Variants in CACNG6 observed in about 807,000 individuals in gnomAD.
The protein encoded by CACNG6 is voltage-dependent calcium channel gamma-6 subunit.
In CACNG6, 21 loss-of-function variants were observed where a neutral mutation model predicts 23.9. That is an observed-to-expected ratio of 0.88 (90% CI 0.62 to 1.26). CACNG6 has a LOEUF of 1.26. CACNG6 is among the 50% of genes most tolerant of loss of function. CACNG6 has a pLI of 0.00. For missense variants in CACNG6, 340 were observed against 352.9 expected (o/e 0.96, Z 0.29); for synonymous variants, 182 against 168.9 (o/e 1.08, Z -0.60).
chr19:54,000,201 G>A (rs1319193173), intron 3 of CACNG6, among the ~76,000 whole-genome samples: 1 of 152,224 alleles, frequency 6.6e-6, no homozygotes, highest in Non-Finnish European at 1.5e-5. Context: ...AAGCCCTGTT[G>A]TTGGCTGGGA....
intron 1 of CACNG6, among the ~76,000 whole-genome samples, chr19:53,993,846 C>T (rs978524693): frequency 6.6e-6 from 1 of 151,794 alleles, no homozygotes; most frequent in East Asian, 1.9e-4. Context: ...TCCCTGCCCC[C>T]ACACAGCCAA....
rs77617423 is a variant in CACNG6, at chr19:53,999,568, A to T, written c.407-66A>T. The T allele has an allele frequency of 1.8e-3, 2,863 of 1,558,364 alleles. 40 individuals carry two copies. The African/African-American group carries it at 0.03, about 16-fold the overall frequency. The stretch of plus-strand genomic sequence containing the variant: ...TACATCTTCCTGGTTCTGGGTTCCT[A>T]TGGGTGAATCCTCCTCATTCCCTAC... On this transcript the variant is annotated intron_variant, in intron 2 of 3. Coordinates refer to ENST00000252729, the MANE Select transcript of CACNG6 (RefSeq NM_145814.2).
At chr19:53,994,411 C>T (rs927261694) in intron 1 of CACNG6, among the ~76,000 whole-genome samples, 1 of 152,084 alleles carries the variant, frequency 6.6e-6, no homozygotes. Context: ...TGTTTTATCC[C>T]TGGGCATGGC....
In CACNG6 at chr19:54,012,274, T is replaced by A; in HGVS notation, c.*85T>A. On this transcript the variant is annotated 3_prime_UTR_variant, in exon 4 of 4. Transcript: ENST00000252729. The stretch of plus-strand genomic sequence containing the variant: ...CCCAAGATCTTTTTGCCCCATCTCC[T>A]AGAGAAACTGTGTTCTCCCTGCTCG... 1.7e-6 allele frequency: 1 copy of A among 583,774 alleles called. No homozygotes were observed. The allele number at this position is 583,774 out of a possible 1,614,324, so 36.2% of individuals were successfully genotyped here.
intron 3 of CACNG6, among the ~76,000 whole-genome samples, chr19:54,008,325 C>T (rs1193533717): frequency 6.6e-6 from 1 of 152,172 alleles, no homozygotes; most frequent in Non-Finnish European, 1.5e-5. Flanking sequence ...TGCACTCCAG[C>T]CTGGATGACA....
intron 1 of CACNG6, among the ~76,000 whole-genome samples, chr19:53,995,959 G>A (rs952389230): frequency 1.1e-4 from 16 of 152,188 alleles, no homozygotes; most frequent in African/African-American, 3.9e-4. Context: ...ACCACGCGCA[G>A]CCCAGCATCC....
At chr19:53,997,179 G>T (rs1414161440) in intron 1 of CACNG6, among the ~76,000 whole-genome samples, 1 of 151,622 alleles carries the variant, frequency 6.6e-6, no homozygotes, top group East Asian at 1.9e-4. Context: ...CTCAATTTTT[G>T]GATTTTTAAA....
chr19:54,004,991 C>T (rs1422520252), intron 3 of CACNG6, among the ~76,000 whole-genome samples: 1 of 151,076 alleles, frequency 6.6e-6, no homozygotes, highest in Non-Finnish European at 1.5e-5. Flanking sequence ...GCAGGTGGCT[C>T]ACAAGATCAG....
rs1292032748 is a variant in CACNG6 at position 54,000,022 on chromosome 19, C to CT, written c.544+251_544+252insT. 4.6e-5 allele frequency among the ~76,000 whole-genome samples: 7 copies of CT among 152,240 alleles called. No homozygotes were observed. The East Asian group carries it at 1.4e-3, about 29-fold the overall frequency. On this transcript the variant is annotated intron_variant, in intron 3 of 3. Transcript: ENST00000252729. ...GCATGCTTGGAGTTGAGGGGAAGCC[C>CT]AAGGGCTATAGTAGGTTCAAAGATG...
intron 3 of CACNG6, among the ~76,000 whole-genome samples, chr19:54,009,105 A>G (rs184487985): frequency 6.2e-4 from 95 of 152,150 alleles, no homozygotes; most frequent in Admixed American, 1.7e-3. Flanking sequence ...CCTGGCCAAC[A>G]TGGTGAAACC....
At chr19:53,994,306 G>A (rs1007591925) in intron 1 of CACNG6, among the ~76,000 whole-genome samples, 1 of 152,104 alleles carries the variant, frequency 6.6e-6, no homozygotes, top group African/African-American at 2.4e-5. Flanking sequence ...TTCACTTCCT[G>A]TCCTCTCGCC....
In CACNG6 at chr19:54,012,096, C is replaced by A; in HGVS notation, c.690C>A (p.Ile230=). The A allele has an allele frequency of 6.3e-7, 1 of 1,578,620 alleles. No homozygotes were observed. The highest frequency in any genetic ancestry group is 8.6e-7 in the Non-Finnish European group (1 of 1,164,310). Residue 230 remains isoleucine, a synonymous_variant, in exon 4 of 4, where the codon ATC becomes ATA. Transcript: ENST00000252729. ...GCTGCGGCGTGGGGGCCGGCCTGATCCTGCTGTTGGGGGCCGGCTGCTTTC... is the reference window on the plus strand; with the variant it reads ...GCTGCGGCGTGGGGGCCGGCCTGATACTGCTGTTGGGGGCCGGCTGCTTTC... ...SLGCGVGAGL[I]LLLGAGCFLL... is the part of the protein sequence containing the mutation.
intron 3 of CACNG6, among the ~76,000 whole-genome samples, chr19:54,011,205 A>AAAATATATATATATATATATAT (rs58054808): frequency 9.8e-6 from 1 of 102,538 alleles, no homozygotes; most frequent in Non-Finnish European, 1.7e-5. Flanking sequence ...AAAAAAAAAA[A>AAAATATATATATATATATATAT]ATATATATAT....
At chr19:54,010,314 C>G (rs1481908822) in intron 3 of CACNG6, among the ~76,000 whole-genome samples, 1 of 151,788 alleles carries the variant, frequency 6.6e-6, no homozygotes, top group Non-Finnish European at 1.5e-5. Flanking sequence ...GTGCCCGGCC[C>G]AATTTTTGTA....
rs2069728179 is a variant in CACNG6 at position 54,012,356 on chromosome 19, T to C, written c.*167T>C. ...TGTCCCCTTATCCTTTCTCCCTCTG[T>C]AAATACGTTTTTCTCTGTGGCTGTA... is the stretch of plus-strand genomic sequence containing the variant. On this transcript the variant is annotated 3_prime_UTR_variant, in exon 4 of 4. Transcript: ENST00000252729. 1 of 441,158 alleles carries C rather than the reference T, an allele frequency of 2.3e-6. No homozygotes were observed. The allele number at this position is 441,158 out of a possible 1,614,324, so 27.3% of individuals were successfully genotyped here.
chr19:53,997,744 A>G (rs2069534557), intron 1 of CACNG6, among the ~76,000 whole-genome samples: 1 of 151,958 alleles, frequency 6.6e-6, no homozygotes, highest in African/African-American at 2.4e-5. Context: ...CCCTTTGCCC[A>G]TTTGTCAACT....
chr19:54,012,014 T>C lies in CACNG6; in HGVS notation c.608T>C (p.Val203Ala). Residue 203 changes from valine (V) to alanine (A), a missense_variant, in exon 4 of 4, where the codon GTC (valine) becomes GCC (alanine). Transcript: ENST00000252729. Reference sequence around the variant, plus strand: ...TCCGTGAGGGCCCTGCTGCAGAGAGTCAGCCCGGAGCCTCCCCCGGCCCCA... The same window carrying C: ...TCCGTGAGGGCCCTGCTGCAGAGAGCCAGCCCGGAGCCTCCCCCGGCCCCA... ...RHSVRALLQRVSPEPPPAPRL... is the reference protein window; with the variant it reads ...RHSVRALLQRASPEPPPAPRL... The C allele has an allele frequency of 6.2e-7, 1 of 1,603,440 alleles. No homozygotes were observed. Among genetic ancestry groups the C allele is most frequent in the Non-Finnish European group, 8.5e-7 (1 of 1,175,562 alleles).
At chr19:54,011,269 G>A (rs1172291918) in intron 3 of CACNG6, among the ~76,000 whole-genome samples, 3 of 140,220 alleles carry the variant, frequency 2.1e-5, no homozygotes, top group Non-Finnish European at 3.0e-5. Flanking sequence ...GCGTGGTAGC[G>A]CACGTGTGTA....
At chr19:53,997,899 C>A (rs935049161) in intron 1 of CACNG6, among the ~76,000 whole-genome samples, 7 of 152,054 alleles carry the variant, frequency 4.6e-5, no homozygotes, top group Admixed American at 6.6e-5. Flanking sequence ...AGTGATTATC[C>A]ATATGTAATC....
Sources: gnomAD v4.1 joint callset for allele counts (sites outside exome capture counted in the v4.1 genomes callset) on GRCh38, gnomAD v4.1.1 for gene constraint, MANE v1.5 for transcripts, NCBI Gene and HGNC (gene_info 2026-07-23, HGNC 2026-07-21) for gene names.